The following KAZN variants were observed in gnomAD, a reference collection of about 807,000 sequenced individuals.
The protein encoded by KAZN is kazrin, periplakin interacting protein.
In KAZN, 40 loss-of-function variants were observed where a neutral mutation model predicts 87.4. The observed-to-expected ratio is 0.46, with a 90% CI of 0.36 to 0.60. KAZN has a LOEUF of 0.60. Among genes scored for constraint, KAZN ranks in the 20% least tolerant of loss-of-function variants. The pLI is 0.00. For missense variants in KAZN, 898 were observed against 1,073.9 expected (o/e 0.84, Z 2.29); for synonymous variants, 466 against 458.3 (o/e 1.02, Z -0.22).
chr1:13,987,452 T>G (rs1490037793), intron 1 of KAZN, among the ~76,000 whole-genome samples: 1 of 152,198 alleles, frequency 6.6e-6, no homozygotes, highest in Non-Finnish European at 1.5e-5. Flanking sequence ...GAGGGACTTT[T>G]GTACCTTGTA....
chr1:14,515,296 A>C (rs1039072972), intron 2 of KAZN, among the ~76,000 whole-genome samples: 1 of 152,202 alleles, frequency 6.6e-6, no homozygotes, highest in Non-Finnish European at 1.5e-5. Flanking sequence ...CAACTTGTCC[A>C]ATGTTCCTCA....
At chr1:14,892,956 T>A (rs1654876689) in intron 1 of KAZN, among the ~76,000 whole-genome samples, 1 of 152,202 alleles carries the variant, frequency 6.6e-6, no homozygotes, top group Admixed American at 6.5e-5. Context: ...AAGCACCTAC[T>A]ACGTAGCAGG....
chr1:14,098,467 A>T (rs974990228), intron 1 of KAZN, among the ~76,000 whole-genome samples: 1 of 152,222 alleles, frequency 6.6e-6, no homozygotes, highest in Non-Finnish European at 1.5e-5. Context: ...AACAGAAGGC[A>T]AACAGCAAGT....
At chr1:14,472,569 T>A (rs1011955755) in intron 2 of KAZN, among the ~76,000 whole-genome samples, 5 of 152,164 alleles carry the variant, frequency 3.3e-5, no homozygotes, top group African/African-American at 1.2e-4. Flanking sequence ...AAGAAAGTGT[T>A]ATTCCACACA....
intron 1 of KAZN, among the ~76,000 whole-genome samples, chr1:14,827,555 A>G (rs1188637372): frequency 6.6e-6 from 1 of 152,206 alleles, no homozygotes; most frequent in Non-Finnish European, 1.5e-5. Flanking sequence ...CCCCCTGCAC[A>G]CTAGGCTGAC....
intron 2 of KAZN, among the ~76,000 whole-genome samples, chr1:14,232,584 A>C (rs1647968199): frequency 6.6e-6 from 1 of 152,252 alleles, no homozygotes; most frequent in South Asian, 2.1e-4. Context: ...ATAGCTCCTT[A>C]TCCCAGCTGA....
intron 2 of KAZN, among the ~76,000 whole-genome samples, chr1:14,457,907 TC>T (rs2148343811): frequency 6.6e-6 from 1 of 151,144 alleles, no homozygotes; most frequent in South Asian, 2.1e-4. Context: ...AAGCTCTGCC[TC>T]CCGTGTTCAC....
intron 8 of KAZN, among the ~76,000 whole-genome samples, chr1:15,084,251 A>C (rs1397778186): frequency 6.6e-6 from 1 of 152,216 alleles, no homozygotes; most frequent in African/African-American, 2.4e-5. Flanking sequence ...GACTTGGCTG[A>C]TGACCTCGGC....
intron 2 of KAZN, among the ~76,000 whole-genome samples, chr1:14,476,188 C>T (rs1668713831): frequency 6.6e-6 from 1 of 152,120 alleles, no homozygotes; most frequent in African/African-American, 2.4e-5. Flanking sequence ...TAGGCTGCTC[C>T]TTGGTTGGTT....
rs574481192 is a variant in KAZN, at chr1:14,505,888, C to T, written c.250-93095C>T. On this transcript the variant is annotated intron_variant, in intron 2 of 16. Coordinates refer to the KAZN transcript ENST00000636203. ...ACTCGGGAGGATGAGGCAGGAGAAT[C>T]GATTGAACCCGGGAGGTGGAGGTTG... Among the ~76,000 whole-genome samples, 6 of 152,096 alleles carry T rather than the reference C, an allele frequency of 3.9e-5. No homozygotes were observed. In the Middle Eastern group the frequency reaches 0.01, roughly 259 times the overall value.
At chr1:14,300,281 A>G (rs891722974) in intron 2 of KAZN, among the ~76,000 whole-genome samples, 10 of 151,370 alleles carry the variant, frequency 6.6e-5, no homozygotes, top group African/African-American at 2.4e-4. Flanking sequence ...TTTTTTTAAG[A>G]CAGAGTCTTA....
chr1:14,069,166 C>A lies in KAZN; in HGVS notation c.92-111269C>A, dbSNP rs574229809. ...ATAGTTTTCATTACTGACCCAGGAG[C>A]TAATATGGGTAAAGAGAGCAGGATG... On this transcript the variant is annotated intron_variant, in intron 1 of 16. Coordinates refer to the KAZN transcript ENST00000636203. 1.5e-4 allele frequency among the ~76,000 whole-genome samples: 23 copies of A among 152,264 alleles called. No homozygotes were observed. The South Asian group carries it at 4.8e-3, about 32-fold the overall frequency.
At chr1:14,310,119 A>G (rs1655185585) in intron 2 of KAZN, among the ~76,000 whole-genome samples, 1 of 152,100 alleles carries the variant, frequency 6.6e-6, no homozygotes, top group Non-Finnish European at 1.5e-5. Flanking sequence ...GTTTTGAAAG[A>G]AAGGTTGGCT....
chr1:14,191,240 T>A (rs750923949), intron 2 of KAZN, among the ~76,000 whole-genome samples: 5 of 152,160 alleles, frequency 3.3e-5, no homozygotes, highest in Non-Finnish European at 7.4e-5. Flanking sequence ...GAGGTGAGAC[T>A]GAGAACAGGA....
chr1:14,399,218 T>C (rs967463528), intron 2 of KAZN, among the ~76,000 whole-genome samples: 2 of 151,998 alleles, frequency 1.3e-5, no homozygotes, highest in Non-Finnish European at 2.9e-5. Flanking sequence ...GGTCTCACTA[T>C]GTTGCGCAGG....
rs569226396 is a variant in KAZN at position 14,914,588 on chromosome 1, C to T, written c.227-46096C>T. On this transcript the variant is annotated intron_variant, in intron 1 of 14. Coordinates refer to ENST00000376030, the MANE Select transcript of KAZN (RefSeq NM_201628.3). ...CCTGGCCGGCATCCTTGGACCTCAC[C>T]GCTGACCCAGCAAGAATCTGGAAGC... Among the ~76,000 whole-genome samples the T allele has an allele frequency of 2.0e-5, 3 of 152,286 alleles. 1 individual carries two copies. The highest frequency in any genetic ancestry group is 4.8e-5 in the African/African-American group (2 of 41,554).
At chr1:14,553,642 T>A (rs1354373116) in intron 2 of KAZN, among the ~76,000 whole-genome samples, 1 of 152,176 alleles carries the variant, frequency 6.6e-6, no homozygotes, top group Non-Finnish European at 1.5e-5. Flanking sequence ...CGTGAGCTTA[T>A]CTGGGCTGTC....
At position 14,110,554 on chromosome 1, in the gene KAZN, ATATC is replaced by A. The variant is rs897772005; in HGVS notation, c.92-69873_92-69870del. Among the ~76,000 whole-genome samples the A allele has an allele frequency of 4.9e-4, 74 of 152,288 alleles. 1 individual carries two copies. Among genetic ancestry groups the A allele is most frequent in the African/African-American group, 1.7e-3 (69 of 41,542 alleles). On this transcript the variant is annotated intron_variant, in intron 1 of 16. Coordinates refer to the KAZN transcript ENST00000636203. ...TTTGTAGTTTTTTGACTTCTATTGC[ATATC>A]TATCTATTTCTCTTAGGAGGTTTTA...
At chr1:14,517,991 T>C (rs934655551) in intron 2 of KAZN, among the ~76,000 whole-genome samples, 3 of 152,318 alleles carry the variant, frequency 2.0e-5, no homozygotes, top group Admixed American at 2.0e-4. Context: ...TGTTTCAGAA[T>C]GAGTGATGGG....
Sources: allele counts gnomAD v4.1 joint callset (sites outside exome capture counted in the v4.1 genomes callset), GRCh38; gene constraint gnomAD v4.1.1; transcripts MANE v1.5; gene names NCBI Gene and HGNC (gene_info 2026-07-23, HGNC 2026-07-21).